Variants in MGST1 observed in about 807,000 individuals in gnomAD.
MGST1 encodes the protein microsomal glutathione S-transferase 1.
Under a neutral mutation model 8.9 loss-of-function variants are expected in MGST1, and 5 were observed. The ratio of observed to expected loss-of-function variants is 0.56; its 90% CI spans 0.29 to 1.19. The LOEUF (loss-of-function observed/expected upper bound fraction) is 1.19, where lower values mean the gene tolerates loss of function less well. Ranked by LOEUF, MGST1 falls within the 50% of genes most tolerant of loss-of-function variation. MGST1 has a pLI of 0.08. For missense variants in MGST1, 182 were observed against 187.4 expected (o/e 0.97, Z 0.17); for synonymous variants, 54 against 67.8 (o/e 0.80, Z 1.00).
intron 1 of MGST1, among the ~76,000 whole-genome samples, chr12:16,428,475 T>A (rs1398077647): frequency 6.6e-6 from 1 of 151,370 alleles, no homozygotes; most frequent in Non-Finnish European, 1.5e-5. Flanking sequence ...TTTCTATTGT[T>A]TTTTTTTTCT....
chr12:16,554,522 CT>C (rs1942113031), intron 4 of MGST1, among the ~76,000 whole-genome samples: 1 of 152,154 alleles, frequency 6.6e-6, no homozygotes, highest in Non-Finnish European at 1.5e-5. Context: ...AATTTACTGT[CT>C]TTCCCACTGA....
At position 16,362,294 on chromosome 12, in the gene MGST1, C is replaced by G. The variant is rs1386181187; in HGVS notation, c.222-1501C>G. ...AAGAGAGGGCACAGGAACACTCACA[C>G]CATCCTCTCTTTGCTTTTATTCTGT... On this transcript the variant is annotated intron_variant, in intron 3 of 3. Transcript: ENST00000396210. The surrounding 1 kb of genome is among the most constrained non-coding windows in gnomAD (Gnocchi z 4.4). 1.3e-5 allele frequency among the ~76,000 whole-genome samples: 2 copies of G among 152,138 alleles called. No individual in the cohort carries two copies. Among genetic ancestry groups the G allele is most frequent in the Non-Finnish European group, 2.9e-5 (2 of 68,036 alleles).
chr12:16,564,387 G>A (rs1056167809), intron 4 of MGST1, among the ~76,000 whole-genome samples: 2 of 152,162 alleles, frequency 1.3e-5, no homozygotes, highest in African/African-American at 2.4e-5. Flanking sequence ...CAACAGCTTC[G>A]GCAACATTGC....
chr12:16,462,868 C>G (rs767297138), intron 4 of MGST1, among the ~76,000 whole-genome samples: 14 of 152,166 alleles, frequency 9.2e-5, no homozygotes, highest in Non-Finnish European at 1.8e-4. Flanking sequence ...TACAACATTT[C>G]AGGAAAGTGT....
chr12:16,431,654 A>G (rs1940940737), intron 1 of MGST1, among the ~76,000 whole-genome samples: 1 of 152,130 alleles, frequency 6.6e-6, no homozygotes, highest in Non-Finnish European at 1.5e-5. Context: ...AACATCAGAG[A>G]TTACTAATCA....
In MGST1 at chr12:16,541,037, ATATAT is replaced by A. The variant is rs1203713562; in HGVS notation, n.483-48488_483-48484del. On this transcript the variant is annotated intron_variant and non_coding_transcript_variant, in intron 4 of 4. Coordinates refer to the MGST1 transcript ENST00000538857. Reference sequence around the variant, plus strand: ...TTGTTATGCATATTTTAATACACACATATATTAGGGAAAAGAATGAAGTGGCAGAC... The same window carrying A: ...TTGTTATGCATATTTTAATACACACATAGGGAAAAGAATGAAGTGGCAGAC... Among the ~76,000 whole-genome samples the A allele has an allele frequency of 1.3e-5, 2 of 152,224 alleles. 1 individual carries two copies. The highest frequency in any genetic ancestry group is 1.3e-4 in the Admixed American group (2 of 15,280).
At chr12:16,412,827 G>T (rs1221062279) in intron 1 of MGST1, among the ~76,000 whole-genome samples, 1 of 152,112 alleles carries the variant, frequency 6.6e-6, no homozygotes, top group Non-Finnish European at 1.5e-5. Flanking sequence ...AGATTACCCA[G>T]TCTCAAGTAT....
intron 1 of MGST1, among the ~76,000 whole-genome samples, chr12:16,403,048 A>T (rs1015919543): frequency 1.1e-4 from 17 of 151,696 alleles, no homozygotes; most frequent in Non-Finnish European, 2.4e-4. Context: ...TTAAACTTTG[A>T]CTTGATATAA....
In MGST1 at chr12:16,513,792, C is replaced by T; in HGVS notation, n.483-75736C>T. 1 of 602,474 alleles carries T rather than the reference C, an allele frequency of 1.7e-6. No homozygotes were observed. Among genetic ancestry groups the T allele is most frequent in the East Asian group, 4.1e-5 (1 of 24,568 alleles). 37.3% of individuals were successfully genotyped at this position (602,474 alleles called of 1,614,324 possible). On this transcript the variant is annotated intron_variant and non_coding_transcript_variant, in intron 4 of 4. Transcript: ENST00000538857. The surrounding 1 kb of genome is among the most constrained non-coding windows in gnomAD (Gnocchi z 4.2). ...TGCAGACCATTTCTGGAACTAGTGC[C>T]TTAAGGATCAGAGCTAGTTTTCTGC... is the stretch of plus-strand genomic sequence containing the variant.
At chr12:16,383,037 C>G (rs906149645) in exon 1 of MGST1, 1 of 152,402 alleles carries the variant, frequency 6.6e-6, no homozygotes, top group Admixed American at 6.5e-5. Context: ...TTCCAGGTGC[C>G]GTCTCTCACC....
chr12:16,554,477 T>G (rs1421028652), intron 4 of MGST1, among the ~76,000 whole-genome samples: 1 of 152,188 alleles, frequency 6.6e-6, no homozygotes, highest in Non-Finnish European at 1.5e-5. Flanking sequence ...AAGTCCGGGT[T>G]GTGTACTCAT....
chr12:16,550,650 T>A (rs1320674658), intron 4 of MGST1: 1 of 152,374 alleles, frequency 6.6e-6, no homozygotes, highest in Non-Finnish European at 1.5e-5. Context: ...AAGTAGTGGA[T>A]GTCACTAAAA....
At chr12:16,369,084 A>G (rs1172307719), downstream of MGST1, among the ~76,000 whole-genome samples, 2 of 151,994 alleles carry the variant, frequency 1.3e-5, no homozygotes, top group East Asian at 3.9e-4. This position sits in a 1 kb window ranked among gnomAD's most constrained non-coding sequence, Gnocchi z 4.8. Context: ...TAGAAGCAAA[A>G]CCACCCAAAA....
downstream of MGST1, among the ~76,000 whole-genome samples, chr12:16,368,175 AT>A (rs1565440659): frequency 6.6e-6 from 1 of 152,288 alleles, no homozygotes; most frequent in East Asian, 1.9e-4. Context: ...AAGGCCAGAA[AT>A]TTTGCTAGGC....
chr12:16,573,335 A>G (rs1294015938), intron 4 of MGST1, among the ~76,000 whole-genome samples: 1 of 152,222 alleles, frequency 6.6e-6, no homozygotes, highest in Non-Finnish European at 1.5e-5. Flanking sequence ...CATATTGAAT[A>G]TTAAAAACAT....
rs983599498 is a variant in MGST1 at position 16,589,096 on chromosome 12, C to T, written n.483-432C>T. 7.2e-5 allele frequency among the ~76,000 whole-genome samples: 11 copies of T among 152,034 alleles called. No homozygotes were observed. Among genetic ancestry groups the T allele is most frequent in the Non-Finnish European group, 1.6e-4 (11 of 67,976 alleles). ...TCGACGTCAGGTCTGGATACCTCAC[C>T]GTGATGCAACCTGACATGCCTCTAA... On this transcript the variant is annotated intron_variant and non_coding_transcript_variant, in intron 4 of 4. Coordinates refer to the MGST1 transcript ENST00000538857. The surrounding 1 kb of genome is among the most constrained non-coding windows in gnomAD (Gnocchi z 4.2).
chr12:16,452,961 G>A (rs924209752), intron 4 of MGST1, among the ~76,000 whole-genome samples: 6 of 151,950 alleles, frequency 3.9e-5, no homozygotes, highest in East Asian at 3.9e-4. Flanking sequence ...TTGTTTTTCA[G>A]GCATTGGCCA....
At chr12:16,398,447 C>T (rs1940625053) in intron 1 of MGST1, among the ~76,000 whole-genome samples, 1 of 151,938 alleles carries the variant, frequency 6.6e-6, no homozygotes, top group East Asian at 1.9e-4. Context: ...TATTCTAGGC[C>T]CAAGGCATGA....
At chr12:16,383,626 TAA>T (rs1940477834) in intron 1 of MGST1, 1 of 152,084 alleles carries the variant, frequency 6.6e-6, no homozygotes, top group Non-Finnish European at 1.5e-5. Context: ...TACACCTGGT[TAA>T]TTTTGTATTT....
Sources: gnomAD v4.1 joint callset for allele counts (sites outside exome capture counted in the v4.1 genomes callset) on GRCh38, gnomAD v4.1.1 for gene constraint, Gnocchi (gnomAD v3.1) non-coding constraint, MANE v1.5 for transcripts, NCBI Gene and HGNC (gene_info 2026-07-23, HGNC 2026-07-21) for gene names.